RIMS2: variants seen among roughly 807,000 people sequenced by gnomAD.
RIMS2 encodes the protein regulating synaptic membrane exocytosis protein 2.
In RIMS2, 59 loss-of-function variants were observed where a neutral mutation model predicts 174.4. The ratio of observed to expected loss-of-function variants is 0.34; its 90% CI spans 0.27 to 0.42. The LOEUF is 0.42. Ranked by LOEUF, RIMS2 falls within the 10% of genes least tolerant of loss-of-function variation. The pLI, the probability that RIMS2 is intolerant of heterozygous loss-of-function variation, is 1.00. For missense variants in RIMS2, 1,620 were observed against 1,666.3 expected, an observed-to-expected ratio of 0.97 and a Z score of 0.48; for synonymous variants, 606 against 572.5, an observed-to-expected ratio of 1.06 and a Z score of -0.84.
intron 1 of RIMS2, among the ~76,000 whole-genome samples, chr8:103,536,350 A>C (rs937159850): frequency 1.3e-5 from 2 of 152,190 alleles, no homozygotes; most frequent in Non-Finnish European, 2.9e-5. Flanking sequence ...CATGGACCTA[A>C]GAACAAGCAG....
rs1362670268 is a variant in RIMS2 at position 104,095,872 on chromosome 8, GTA to G, written c.3334+81260_3334+81261del. On this transcript the variant is annotated intron_variant, in intron 19 of 23. Transcript: ENST00000504942. The stretch of plus-strand genomic sequence containing the variant: ...TTCGGGATAGAACTCTACCCATTGA[GTA>G]TACAATTCAGTGATTTAGCCGATGT... Among the ~76,000 whole-genome samples the G allele has an allele frequency of 7.9e-5, 12 of 152,144 alleles. No homozygotes were observed. In the East Asian group the frequency reaches 2.1e-3, roughly 27 times the overall value.
chr8:103,731,477 TATTG>T (rs1309609535), intron 2 of RIMS2, among the ~76,000 whole-genome samples: 5 of 152,186 alleles, frequency 3.3e-5, no homozygotes, highest in Non-Finnish European at 5.9e-5. Context: ...TGCCCTTTAA[TATTG>T]ATATCTTTCT....
chr8:103,728,407 T>C (rs930706872), intron 2 of RIMS2, among the ~76,000 whole-genome samples: 1 of 152,094 alleles, frequency 6.6e-6, no homozygotes, highest in Non-Finnish European at 1.5e-5. Context: ...TTTCTCATTT[T>C]AATGCCTTTT....
At chr8:103,956,704 G>C (rs935182277) in intron 14 of RIMS2, among the ~76,000 whole-genome samples, 1 of 152,150 alleles carries the variant, frequency 6.6e-6, no homozygotes, top group Non-Finnish European at 1.5e-5. Flanking sequence ...AAGACTTCAT[G>C]ACTAAAACAC....
At chr8:104,227,094 C>T (rs2099192555) in intron 19 of RIMS2, among the ~76,000 whole-genome samples, 1 of 152,076 alleles carries the variant, frequency 6.6e-6, no homozygotes. Context: ...AACTTGCCCC[C>T]AGATCATAAA....
intron 19 of RIMS2, among the ~76,000 whole-genome samples, chr8:104,168,663 G>A (rs116471210): frequency 6.6e-6 from 1 of 151,988 alleles, no homozygotes; most frequent in African/African-American, 2.4e-5. Flanking sequence ...ATCTGCTCTC[G>A]CTAGCACTTC....
intron 19 of RIMS2, among the ~76,000 whole-genome samples, chr8:104,067,474 C>G (rs983280422): frequency 3.3e-5 from 5 of 152,124 alleles, no homozygotes; most frequent in African/African-American, 1.2e-4. Context: ...TAGCTCACTG[C>G]AGCCTCCCAA....
chr8:103,587,260 C>T (rs1563897393), intron 1 of RIMS2, among the ~76,000 whole-genome samples: 2 of 151,860 alleles, frequency 1.3e-5, no homozygotes, highest in South Asian at 2.1e-4. Flanking sequence ...GCTTCACTGC[C>T]GAATTCTACC....
Position 103,643,668 on chromosome 8 carries a change from A to C in RIMS2, c.177-53418A>C, listed in dbSNP as rs982039859. Among the ~76,000 whole-genome samples, 7 of 151,990 alleles carry C rather than the reference A, an allele frequency of 4.6e-5. No individual in the cohort carries two copies. In the East Asian group the frequency reaches 1.4e-3, roughly 29 times the overall value. On this transcript the variant is annotated intron_variant, in intron 1 of 23. Transcript: ENST00000504942. ...TTTTGTTTTTCTGTACTGACTCCTT[A>C]CTAAATAGTTTCTGAGGATTGCAGT...
chr8:103,892,204 A>AT (rs5893667), intron 4 of RIMS2, among the ~76,000 whole-genome samples: 26,278 of 147,018 alleles, frequency 0.18, 2,379 homozygotes, highest in Middle Eastern at 0.27. Flanking sequence ...CTAGATAACA[A>AT]TTTTTTTTTT....
In RIMS2 at chr8:103,556,116, CAT is replaced by C. The variant is rs1563766523; in HGVS notation, c.176+55059_176+55060del. Among the ~76,000 whole-genome samples the C allele has an allele frequency of 1.3e-5, 2 of 152,146 alleles. 1 individual carries two copies. The highest frequency in any genetic ancestry group is 4.2e-4 in the South Asian group (2 of 4,818). On this transcript the variant is annotated intron_variant, in intron 1 of 23. Transcript: ENST00000504942. Reference sequence around the variant, plus strand: ...TTAGATAGAATGAATATGTTCAAGACATATATTGTATAACATGGTGACTATAG... The same window carrying C: ...TTAGATAGAATGAATATGTTCAAGACATATTGTATAACATGGTGACTATAG...
chr8:103,994,227 C>A (rs145915431), intron 17 of RIMS2, among the ~76,000 whole-genome samples: 10 of 151,832 alleles, frequency 6.6e-5, no homozygotes, highest in African/African-American at 2.4e-4. Context: ...AGTGGAAGGA[C>A]AATTCATTAT....
At position 103,947,583 on chromosome 8, in the gene RIMS2, A is replaced by T. The variant is rs113989852; in HGVS notation, c.2701+4657A>T. 5.3e-5 allele frequency among the ~76,000 whole-genome samples: 8 copies of T among 152,320 alleles called. 2 individuals carry two copies. Among genetic ancestry groups the T allele is most frequent in the African/African-American group, 1.9e-4 (8 of 41,582 alleles). Reference sequence around the variant, plus strand: ...TATCTAAACGTATGTAAATATAGAAAAGGTACAGTCAAAATATGGTATAAA... The same window carrying T: ...TATCTAAACGTATGTAAATATAGAATAGGTACAGTCAAAATATGGTATAAA... On this transcript the variant is annotated intron_variant, in intron 14 of 23. Coordinates refer to ENST00000504942, the Ensembl canonical transcript of RIMS2.
intron 1 of RIMS2, among the ~76,000 whole-genome samples, chr8:103,620,438 A>T (rs753057789): frequency 1.6e-4 from 24 of 151,100 alleles, no homozygotes; most frequent in South Asian, 2.1e-4. Flanking sequence ...GCTATAATTT[A>T]AAAAAAAATG....
intron 16 of RIMS2, among the ~76,000 whole-genome samples, chr8:103,981,365 C>T (rs895251136): frequency 1.3e-5 from 2 of 152,146 alleles, no homozygotes; most frequent in Non-Finnish European, 2.9e-5. Flanking sequence ...GCAAAAAACA[C>T]AGCATTATTG....
chr8:103,874,754 G>T (rs1260681007), intron 3 of RIMS2, among the ~76,000 whole-genome samples: 1 of 151,966 alleles, frequency 6.6e-6, no homozygotes, highest in African/African-American at 2.4e-5. Context: ...TCATTCTCAT[G>T]GTCTCAGACA....
intron 2 of RIMS2, among the ~76,000 whole-genome samples, chr8:103,721,295 C>T (rs771195716): frequency 3.3e-5 from 5 of 152,118 alleles, no homozygotes; most frequent in Admixed American, 6.6e-5. Flanking sequence ...CCAATTAAAC[C>T]TATTTTCTTT....
intron 1 of RIMS2, among the ~76,000 whole-genome samples, chr8:103,598,726 A>T (rs1230702508): frequency 6.6e-6 from 1 of 152,170 alleles, no homozygotes; most frequent in Non-Finnish European, 1.5e-5. Context: ...AAGTCTTCCA[A>T]ACCAAGAGCA....
At chr8:104,208,929 C>T (rs951389972) in intron 19 of RIMS2, among the ~76,000 whole-genome samples, 7 of 152,230 alleles carry the variant, frequency 4.6e-5, no homozygotes, top group Non-Finnish European at 8.8e-5. Flanking sequence ...AGAAAAATTA[C>T]GTAATTTTAA....
Sources: allele counts gnomAD v4.1 joint callset (sites outside exome capture counted in the v4.1 genomes callset), GRCh38; gene constraint gnomAD v4.1.1; transcripts MANE v1.5; gene names NCBI Gene and HGNC (gene_info 2026-07-23, HGNC 2026-07-21).